Variants in UST observed in about 807,000 individuals in gnomAD.
UST encodes the protein chondroitin sulfate 2-O-sulfotransferase.
A neutral mutation model predicts 45.6 loss-of-function variants in UST; 21 were observed. That is an observed-to-expected ratio of 0.46 (90% CI 0.33 to 0.66). UST has a LOEUF of 0.66. Ranked by LOEUF, UST falls within the 30% of genes least tolerant of loss-of-function variation. UST has a pLI of 0.02. For missense variants in UST, 463 were observed against 512.4 expected (o/e 0.90, Z 0.93); for synonymous variants, 215 against 200.6 (o/e 1.07, Z -0.61).
intron 2 of UST, among the ~76,000 whole-genome samples, chr6:148,937,857 C>G (rs1194024937): frequency 1.3e-5 from 2 of 152,170 alleles, no homozygotes; most frequent in Non-Finnish European, 2.9e-5. Flanking sequence ...GCAGCTCTGT[C>G]GTAGCCATAA....
chr6:148,791,266 T>G (rs1240622123), intron 1 of UST, among the ~76,000 whole-genome samples: 2 of 152,158 alleles, frequency 1.3e-5, no homozygotes, highest in Non-Finnish European at 2.9e-5. Context: ...ATGTCAGGAG[T>G]GCTGAGGTTG....
At chr6:148,782,626 T>A (rs1364401737) in intron 1 of UST, among the ~76,000 whole-genome samples, 1 of 152,022 alleles carries the variant, frequency 6.6e-6, no homozygotes, top group Non-Finnish European at 1.5e-5. Context: ...AATTTTTGTA[T>A]TTTTAGTAGA....
At position 148,837,699 on chromosome 6, in the gene UST, T is replaced by C. The variant is rs536085546; in HGVS notation, c.248-49287T>C. Among the ~76,000 whole-genome samples, 626 of 146,024 alleles carry C rather than the reference T, an allele frequency of 4.3e-3. 3 individuals carry two copies. Among genetic ancestry groups the C allele is most frequent in the South Asian group, 9.8e-3 (43 of 4,386 alleles). The stretch of plus-strand genomic sequence containing the variant: ...ATACAAGGTCCCTCTTTTTTTTTTT[T>C]TCTCTCCTTTTTTTGAGACAGGGTC... On this transcript the variant is annotated intron_variant, in intron 1 of 7. Transcript: ENST00000367463.
chr6:149,044,303 CA>C (rs561244504), intron 7 of UST, among the ~76,000 whole-genome samples: 60 of 152,178 alleles, frequency 3.9e-4, no homozygotes, highest in Admixed American at 2.6e-3. Flanking sequence ...TTTAAAATGT[CA>C]ATGTTTTTTC....
intron 1 of UST, among the ~76,000 whole-genome samples, chr6:148,837,744 G>A (rs1018122077): frequency 4.0e-5 from 6 of 151,186 alleles, no homozygotes; most frequent in African/African-American, 1.5e-4. Context: ...CACCCAGGCT[G>A]GAGTGCAGTG....
intron 2 of UST, among the ~76,000 whole-genome samples, chr6:148,922,716 G>A (rs987792765): frequency 3.4e-4 from 52 of 151,116 alleles, no homozygotes; most frequent in Non-Finnish European, 5.5e-4. Flanking sequence ...CTCGTGATCC[G>A]CCCGCCTCGG....
Position 148,871,654 on chromosome 6 carries a change from A to G in UST, c.248-15332A>G, listed in dbSNP as rs1354019962. On this transcript the variant is annotated intron_variant, in intron 1 of 7. Transcript: ENST00000367463. Reference sequence around the variant, plus strand: ...GGTAGGCTGTAAACTCCCCACAGCCACATGCAGGACACTTGGAGTATTGCT... The same window carrying G: ...GGTAGGCTGTAAACTCCCCACAGCCGCATGCAGGACACTTGGAGTATTGCT... Among the ~76,000 whole-genome samples, 4 of 152,384 alleles carry G rather than the reference A, an allele frequency of 2.6e-5. No individual in the cohort carries two copies. The East Asian group carries it at 7.7e-4, about 29-fold the overall frequency.
chr6:148,832,447 T>TCTTA (rs1777707190), intron 1 of UST, among the ~76,000 whole-genome samples: 1 of 152,174 alleles, frequency 6.6e-6, no homozygotes, highest in African/African-American at 2.4e-5. Flanking sequence ...AATTTACATG[T>TCTTA]CTTAGTATGA....
At chr6:148,753,622 T>G (rs1213780341) in intron 1 of UST, among the ~76,000 whole-genome samples, 1 of 152,212 alleles carries the variant, frequency 6.6e-6, no homozygotes, top group Non-Finnish European at 1.5e-5. Context: ...CTGTAAGTAG[T>G]GCTGCTATGA....
chr6:148,802,181 G>C (rs1777068254), intron 1 of UST, among the ~76,000 whole-genome samples: 1 of 152,318 alleles, frequency 6.6e-6, no homozygotes, highest in South Asian at 2.1e-4. Context: ...CATAGCTGCT[G>C]CTTCTCTGGA....
intron 5 of UST, among the ~76,000 whole-genome samples, chr6:149,008,781 G>A (rs79932617): frequency 0.035 from 5,328 of 152,244 alleles, 281 homozygotes; most frequent in East Asian, 0.23. Context: ...CCCAGCAGCC[G>A]TCTATTGGGT....
intron 2 of UST, among the ~76,000 whole-genome samples, chr6:148,919,148 CAGTT>C (rs141433968): frequency 0.032 from 4,930 of 152,212 alleles, 266 homozygotes; most frequent in African/African-American, 0.11. Flanking sequence ...TCCTCCCACA[CAGTT>C]AGGATATGTC....
chr6:148,816,701 C>G (rs893703902), intron 1 of UST, among the ~76,000 whole-genome samples: 1 of 152,094 alleles, frequency 6.6e-6, no homozygotes, highest in African/African-American at 2.4e-5. Context: ...TATAAGAAAA[C>G]CAAAGCTGAG....
chr6:149,033,787 T>C (rs2115027257), intron 7 of UST, among the ~76,000 whole-genome samples: 1 of 152,336 alleles, frequency 6.6e-6, no homozygotes, highest in East Asian at 1.9e-4. Context: ...TCCTAGGATT[T>C]TACCTCCCTG....
chr6:149,022,090 G>A (rs1175212644), intron 7 of UST, among the ~76,000 whole-genome samples: 2 of 152,224 alleles, frequency 1.3e-5, no homozygotes, highest in East Asian at 3.8e-4. Context: ...AGGGCTGCCT[G>A]TGGTATCATC....
At chr6:148,991,330 C>T (rs1028190284) in intron 5 of UST, among the ~76,000 whole-genome samples, 5 of 152,000 alleles carry the variant, frequency 3.3e-5, no homozygotes, top group African/African-American at 1.2e-4. Flanking sequence ...ACCTGTCATG[C>T]CACCAATAGA....
intron 7 of UST, among the ~76,000 whole-genome samples, chr6:149,044,889 T>C (rs1176558921): frequency 6.6e-6 from 1 of 152,240 alleles, no homozygotes; most frequent in Non-Finnish European, 1.5e-5. Flanking sequence ...CAAAGTGGAA[T>C]CCACCCAAGA....
Position 149,021,600 on chromosome 6 carries a change from T to A in UST, c.937+119T>A. The A allele has an allele frequency of 4.1e-6, 5 of 1,214,596 alleles. No homozygotes were observed. The South Asian group carries it at 8.7e-5, about 21-fold the overall frequency. The allele number at this position is 1,214,596 out of a possible 1,614,324, so 75.2% of individuals were successfully genotyped here. A position where few individuals can be genotyped will look rare whatever the true frequency, so the allele number is the denominator to read the frequency against. ...GATCTCTTCTGATGACAAAGGGCAG[T>A]TAGTTCCCTGGGCTTGCAAAGGAAA... On this transcript the variant is annotated intron_variant, in intron 7 of 7. Coordinates refer to ENST00000367463, the MANE Select transcript of UST (RefSeq NM_005715.3).
At chr6:148,884,610 G>A (rs1419106676) in intron 1 of UST, among the ~76,000 whole-genome samples, 1 of 152,096 alleles carries the variant, frequency 6.6e-6, no homozygotes, top group Non-Finnish European at 1.5e-5. Flanking sequence ...TGGGGCCTGG[G>A]TGATGCAGGG....
Sources: gnomAD v4.1 joint callset for allele counts (sites outside exome capture counted in the v4.1 genomes callset) on GRCh38, gnomAD v4.1.1 for gene constraint, MANE v1.5 for transcripts, NCBI Gene and HGNC (gene_info 2026-07-23, HGNC 2026-07-21) for gene names.